The following JPT2 variants were observed in gnomAD, a reference collection of about 807,000 sequenced individuals.
JPT2 encodes Jupiter microtubule associated homolog 2, also known as CRAMP_1 like.
Under a neutral mutation model 15.9 loss-of-function variants are expected in JPT2, and 9 were observed. The ratio of observed to expected loss-of-function variants is 0.57; its 90% CI spans 0.34 to 0.99. JPT2 has a LOEUF of 0.99. Ranked by LOEUF, JPT2 falls within the 50% of genes least tolerant of loss-of-function variation. The probability of loss-of-function intolerance (pLI) is 0.02; values close to 1 mark genes in which losing one functional copy is unlikely to be tolerated. For synonymous variants in JPT2, 95 were observed against 91.7 expected (o/e 1.04, Z -0.21); for missense variants, 267 against 252.1 (o/e 1.06, Z -0.40).
rs117653893 is a variant in JPT2 at position 1,687,624 on chromosome 16, G to A, written c.193+2037G>A. Among the ~76,000 whole-genome samples, 161 of 152,240 alleles carry A rather than the reference G, an allele frequency of 1.1e-3. No homozygotes were observed. In the East Asian group the frequency reaches 0.03, roughly 28 times the overall value. On this transcript the variant is annotated intron_variant, in intron 2 of 4. Coordinates refer to ENST00000248098, the MANE Select transcript of JPT2 (RefSeq NM_144570.3). ...TGGTCTCATGCCCAGTGGGGAGCCC[G>A]GCCCCTTGCGGTTAGTGAGCCAGCC...
intron 2 of JPT2, among the ~76,000 whole-genome samples, chr16:1,688,106 A>G (rs1167292203): frequency 1.3e-5 from 2 of 152,234 alleles, no homozygotes; most frequent in East Asian, 3.8e-4. Flanking sequence ...TGAATTGTTA[A>G]TATTTACCGG....
At chr16:1,683,423 T>G in intron 1 of JPT2, 3 of 877,684 alleles carry the variant, frequency 3.4e-6, no homozygotes, top group African/African-American at 1.7e-5. Flanking sequence ...CCCTTTCTCA[T>G]TTAAGCTTGG....
intron 3 of JPT2, among the ~76,000 whole-genome samples, chr16:1,694,623 G>A (rs2037127859): frequency 6.6e-6 from 1 of 152,006 alleles, no homozygotes; most frequent in African/African-American, 2.4e-5. Context: ...CATGGCACTG[G>A]CATGAAGACA....
chr16:1,687,881 T>C (rs546827897), intron 2 of JPT2, among the ~76,000 whole-genome samples: 1 of 152,328 alleles, frequency 6.6e-6, no homozygotes, highest in African/African-American at 2.4e-5. Context: ...CACACAGACC[T>C]AGCCCCACAG....
chr16:1,678,297 G>A lies in JPT2; in HGVS notation c.-16G>A, dbSNP rs969151418. 1 of 1,236,970 alleles carries A rather than the reference G, an allele frequency of 8.1e-7. No individual in the cohort carries two copies. Among genetic ancestry groups the A allele is most frequent in the East Asian group, 3.2e-5 (1 of 31,482 alleles). 76.6% of individuals were successfully genotyped at this position (1,236,970 alleles called of 1,614,324 possible). ...CGGGAACGGCGCGCGGCGAGCTGAG[G>A]GTGGCGGCGGTCGACATGTTCCAGG... On this transcript the variant is annotated 5_prime_UTR_variant, in exon 1 of 5. Coordinates refer to ENST00000248098, the MANE Select transcript of JPT2 (RefSeq NM_144570.3).
rs529799303 is a variant in JPT2 at position 1,685,978 on chromosome 16, A to C, written c.193+391A>C. On this transcript the variant is annotated intron_variant, in intron 2 of 4. Transcript: ENST00000248098. The stretch of plus-strand genomic sequence containing the variant: ...TGTTTTTATTCAGATCGTCAGTGGG[A>C]TTGAAACTCTTAACAAGGAAGAATT... 12 of 182,214 alleles carry C rather than the reference A, an allele frequency of 6.6e-5. No individual in the cohort carries two copies. The South Asian group carries it at 1.3e-3, about 20-fold the overall frequency. 11.3% of individuals were successfully genotyped at this position (182,214 alleles called of 1,614,324 possible).
At chr16:1,692,027 G>T (rs779402266) in intron 3 of JPT2, 42 bp downstream of exon 3, 2 of 1,607,838 alleles carry the variant, frequency 1.2e-6, no homozygotes, top group Middle Eastern at 1.7e-4. Context: ...CAGCGGGTAT[G>T]CCAGGTGCTC....
intron 3 of JPT2, among the ~76,000 whole-genome samples, chr16:1,694,012 T>C (rs1002984581): frequency 6.6e-6 from 1 of 152,166 alleles, no homozygotes; most frequent in Non-Finnish European, 1.5e-5. Context: ...GGCTCGTCAC[T>C]GCGAAAGCGG....
At chr16:1,702,535 C>T (rs1737035477), downstream of JPT2, among the ~76,000 whole-genome samples, 1 of 152,250 alleles carries the variant, frequency 6.6e-6, no homozygotes. Flanking sequence ...AGCCCCGTGC[C>T]TTGTCCAGGA....
At chr16:1,682,275 G>A (rs1450218328) in intron 1 of JPT2, among the ~76,000 whole-genome samples, 1 of 151,978 alleles carries the variant, frequency 6.6e-6, no homozygotes, top group African/African-American at 2.4e-5. Context: ...TACTCGGAAG[G>A]CTGAGGCGGG....
Position 1,699,257 on chromosome 16 carries a change from A to C in JPT2, c.*259A>C. The stretch of plus-strand genomic sequence containing the variant: ...GTAGTCCAGGTTTGAGAGGAACTGG[A>C]AGGGGGGTGAGGGTGGGGAGGTGGG... On this transcript the variant is annotated 3_prime_UTR_variant, in exon 5 of 5. Coordinates refer to ENST00000248098, the MANE Select transcript of JPT2 (RefSeq NM_144570.3). 1.7e-6 allele frequency: 1 copy of C among 598,690 alleles called. No individual in the cohort carries two copies. The highest frequency in any genetic ancestry group is 3.1e-6 in the Non-Finnish European group (1 of 319,136). The allele number at this position is 598,690 out of a possible 1,614,324, so 37.1% of individuals were successfully genotyped here.
At position 1,699,936 on chromosome 16, in the gene JPT2, G is replaced by A. The variant is rs1304180982; in HGVS notation, c.*938G>A. 1 of 292,248 alleles carries A rather than the reference G, an allele frequency of 3.4e-6. No homozygotes were observed. The allele number at this position is 292,248 out of a possible 1,614,324, so 18.1% of individuals were successfully genotyped here. A position where few individuals can be genotyped will look rare whatever the true frequency, so the allele number is the denominator to read the frequency against. On this transcript the variant is annotated 3_prime_UTR_variant, in exon 5 of 5. Transcript: ENST00000248098. ...TGTGTCTTTCTTTATTCCTTAATTG[G>A]TTGGTGGAAAGAAGAGATGCTTGGG... is the stretch of plus-strand genomic sequence containing the variant.
intron 1 of JPT2, among the ~76,000 whole-genome samples, chr16:1,683,334 C>T (rs2037039256): frequency 6.6e-6 from 1 of 151,794 alleles, no homozygotes; most frequent in South Asian, 2.1e-4. Flanking sequence ...GTGTCTCGAA[C>T]TCCTGGGCTC....
At chr16:1,691,773 C>CT (rs1424130837) in intron 2 of JPT2, 70 bp from the exon 3 acceptor site, 1 of 1,415,448 alleles carries the variant, frequency 7.1e-7, no homozygotes, top group African/African-American at 1.6e-5. Context: ...CTCCAAAGCA[C>CT]TGCGGGGGTG....
At position 1,691,922 on chromosome 16, in the gene JPT2, C is replaced by T; in HGVS notation, c.273C>T (p.Thr91=). The change falls in exon 3 of 5, where the codon ACC becomes ACT. Residue 91 remains threonine, a synonymous_variant. Transcript: ENST00000248098. ...ACCTGAACCCACCTGGAGGGAAGAC[C>T]AGCGACATTTTTGGGTCTCCGGTCA... ...RQHLNPPGGK[T]SDIFGSPVTA... 6.2e-7 allele frequency: 1 copy of T among 1,614,146 alleles called. No homozygotes were observed. Among genetic ancestry groups the T allele is most frequent in the Non-Finnish European group, 8.5e-7 (1 of 1,180,022 alleles).
chr16:1,683,527 AG>A, intron 1 of JPT2: 1 of 1,534,948 alleles, frequency 6.5e-7, no homozygotes, highest in Admixed American at 2.0e-5. Context: ...AACTGCTGAC[AG>A]GAAGTTTGGC....
chr16:1,698,005 A>G lies in JPT2; in HGVS notation c.385+145A>G. ...AAACGAGCTCAGGTGTATCCACTGC[A>G]AGAGGATTCAGCATTTGAAGAAGGC... On this transcript the variant is annotated intron_variant, in intron 4 of 4. Coordinates refer to ENST00000248098, the MANE Select transcript of JPT2 (RefSeq NM_144570.3). The surrounding 1 kb of genome is among the most constrained non-coding windows in gnomAD (Gnocchi z 4.9). The G allele has an allele frequency of 1.4e-6, 1 of 703,276 alleles. No homozygotes were observed. Among genetic ancestry groups the G allele is most frequent in the Non-Finnish European group, 2.5e-6 (1 of 403,848 alleles). The allele number at this position is 703,276 out of a possible 1,614,324, so 43.6% of individuals were successfully genotyped here. A position where few individuals can be genotyped will look rare whatever the true frequency, so the allele number is the denominator to read the frequency against.
Position 1,699,225 on chromosome 16 carries a change from C to T in JPT2, c.*227C>T, listed in dbSNP as rs574617748. On this transcript the variant is annotated 3_prime_UTR_variant, in exon 5 of 5. Transcript: ENST00000248098. ...TGAAATGGGGCACCCCTGGCCATCA[C>T]TCATGTGTAGTCCAGGTTTGAGAGG... 30 of 660,750 alleles carry T rather than the reference C, an allele frequency of 4.5e-5. No homozygotes were observed. The highest frequency in any genetic ancestry group is 6.7e-5 in the Non-Finnish European group (24 of 359,696). 40.9% of individuals were successfully genotyped at this position (660,750 alleles called of 1,614,324 possible).
In JPT2 at chr16:1,698,824, C is replaced by T; in HGVS notation, c.399C>T (p.Ile133=). 6.2e-7 allele frequency: 1 copy of T among 1,612,512 alleles called. No individual in the cohort carries two copies. Among genetic ancestry groups the T allele is most frequent in the East Asian group, 2.2e-5 (1 of 44,872 alleles). The change falls in exon 5 of 5, where the codon ATC becomes ATT. Residue 133 remains isoleucine, a synonymous_variant. Coordinates refer to ENST00000248098, the MANE Select transcript of JPT2 (RefSeq NM_144570.3). This position sits in a 1 kb window ranked among gnomAD's most constrained non-coding sequence, Gnocchi z 4.9. The part of the protein sequence containing the change: ...PKSDLKAARS[I]PAGAEPGEKG... Reference sequence around the variant, plus strand: ...TGTGTCCCACAGCTGCAAGGAGCATCCCGGCTGGAGCAGAGCCAGGTGAGA... The same window carrying T: ...TGTGTCCCACAGCTGCAAGGAGCATTCCGGCTGGAGCAGAGCCAGGTGAGA...
Sources: allele counts gnomAD v4.1 joint callset (sites outside exome capture counted in the v4.1 genomes callset), GRCh38; gene constraint gnomAD v4.1.1; non-coding constraint Gnocchi (gnomAD v3.1); transcripts MANE v1.5; gene names NCBI Gene and HGNC (gene_info 2026-07-23, HGNC 2026-07-21).